The following FOXP2 variants were observed in gnomAD, a reference collection of about 807,000 sequenced individuals.
FOXP2 encodes forkhead box protein P2.
In FOXP2, 12 loss-of-function variants were observed where a neutral mutation model predicts 115.8. The observed-to-expected ratio is 0.10, with a 90% confidence interval of 0.07 to 0.17. The LOEUF is 0.17. Ranked by LOEUF, FOXP2 falls within the 10% of genes least tolerant of loss-of-function variation. The pLI is 1.00. For missense variants in FOXP2, 629 were observed against 843.5 expected (o/e 0.75, Z 3.15); for synonymous variants, 328 against 297.7 (o/e 1.10, Z -1.05).
chr7:114,373,097 A>G (rs964061997), intron 2 of FOXP2, among the ~76,000 whole-genome samples: 38 of 151,866 alleles, frequency 2.5e-4, no homozygotes, highest in African/African-American at 9.2e-4. Flanking sequence ...TGTTCACGCC[A>G]TTCTCCTGCC....
At chr7:114,201,104 C>A (rs1052179293) in intron 1 of FOXP2, among the ~76,000 whole-genome samples, 2 of 151,930 alleles carry the variant, frequency 1.3e-5, no homozygotes, top group East Asian at 3.9e-4. Context: ...TGCAGTGAGC[C>A]AAGATCGTGC....
At chr7:114,294,848 A>ATAAG in intron 2 of FOXP2, among the ~76,000 whole-genome samples, 1 of 139,982 alleles carries the variant, frequency 7.1e-6, no homozygotes, top group Middle Eastern at 3.6e-3. Context: ...CTCAAAATAA[A>ATAAG]TAAATAAATA....
chr7:114,246,085 A>T (rs545970966), intron 1 of FOXP2, among the ~76,000 whole-genome samples: 2 of 152,158 alleles, frequency 1.3e-5, no homozygotes, highest in Non-Finnish European at 2.9e-5. Flanking sequence ...GTGGAAGCCA[A>T]AGTTTCTTCC....
chr7:114,689,128 A>T (rs561806053), intron 16 of FOXP2, among the ~76,000 whole-genome samples: 1 of 152,258 alleles, frequency 6.6e-6, no homozygotes, highest in East Asian at 1.9e-4. Flanking sequence ...AGTTTCTATA[A>T]TTATATTGCT....
In FOXP2 at chr7:114,313,608, A is replaced by G. The variant is rs1797199296; in HGVS notation, c.-11+25499A>G. On this transcript the variant is annotated intron_variant, in intron 2 of 17. Transcript: ENST00000634411. ...AAAATACAAAAAATTAGCCGGGCGT[A>G]GTGGCGGGCGCCTGTAGTCCCAGCT... 2.0e-5 allele frequency among the ~76,000 whole-genome samples: 2 copies of G among 101,274 alleles called. 1 individual carries two copies. The highest frequency in any genetic ancestry group is 3.6e-5 in the Non-Finnish European group (2 of 54,808). 66.4% of individuals were successfully genotyped at this position (101,274 alleles called of 152,430 possible).
intron 3 of FOXP2, among the ~76,000 whole-genome samples, chr7:114,556,025 C>A (rs759401883): frequency 6.6e-6 from 1 of 152,116 alleles, no homozygotes; most frequent in Non-Finnish European, 1.5e-5. Flanking sequence ...GTTTACTCAG[C>A]AATATATGAG....
chr7:114,341,490 C>CA (rs751482615), intron 2 of FOXP2, among the ~76,000 whole-genome samples: 6 of 151,028 alleles, frequency 4.0e-5, no homozygotes, highest in Admixed American at 1.3e-4. Flanking sequence ...TAAAAACAAA[C>CA]AAAAAATCTA....
chr7:114,169,047 C>A (rs551161425), intron 1 of FOXP2, among the ~76,000 whole-genome samples: 1 of 152,318 alleles, frequency 6.6e-6, no homozygotes, highest in Admixed American at 6.5e-5. Flanking sequence ...GAAATACCTG[C>A]AAAGGCAGAG....
At chr7:114,150,787 TG>T (rs1328492545) in intron 1 of FOXP2, among the ~76,000 whole-genome samples, 2 of 152,028 alleles carry the variant, frequency 1.3e-5, no homozygotes, top group Non-Finnish European at 2.9e-5. Context: ...TTTCTCTCTT[TG>T]GCTGAACTAT....
chr7:114,367,163 T>C (rs1420670125), intron 2 of FOXP2, among the ~76,000 whole-genome samples: 4 of 152,108 alleles, frequency 2.6e-5, no homozygotes, highest in African/African-American at 4.8e-5. Context: ...AAAAAGCTCA[T>C]AGGAGCTTTT....
intron 1 of FOXP2, among the ~76,000 whole-genome samples, chr7:114,156,283 G>GGT (rs142795916): frequency 2.6e-3 from 399 of 151,998 alleles, no homozygotes; most frequent in African/African-American, 9.1e-3. Context: ...TGACATTTTT[G>GGT]GTGTGTGTGT....
At chr7:114,334,931 C>CTA (rs144511332) in intron 2 of FOXP2, among the ~76,000 whole-genome samples, 11,683 of 119,106 alleles carry the variant, frequency 0.098, 838 homozygotes, top group East Asian at 0.39. Context: ...ATATAGAAAT[C>CTA]TATATATATA....
At chr7:114,284,880 A>G (rs1796427594) in intron 1 of FOXP2, among the ~76,000 whole-genome samples, 1 of 152,332 alleles carries the variant, frequency 6.6e-6, no homozygotes, top group East Asian at 1.9e-4. Context: ...CTTTGCAGGA[A>G]CAGGGATGGA....
At chr7:114,625,360 C>A in intron 3 of FOXP2, among the ~76,000 whole-genome samples, 1 of 151,674 alleles carries the variant, frequency 6.6e-6, no homozygotes, top group Non-Finnish European at 1.5e-5. Context: ...ATTGTGATCC[C>A]TTATTAGAAT....
intron 1 of FOXP2, among the ~76,000 whole-genome samples, chr7:114,183,918 T>C (rs1384964510): frequency 6.6e-6 from 1 of 152,194 alleles, no homozygotes; most frequent in African/African-American, 2.4e-5. Flanking sequence ...CCTGTCATAA[T>C]CAGTTGCCAG....
chr7:114,693,527 G>T lies in FOXP2; in HGVS notation c.*3601G>T, dbSNP rs762586918. ...GCTTTATTAAGTCTATAAAGCTATT[G>T]AAAGGAACATGGCTTACCCTTGTTA... On this transcript the variant is annotated 3_prime_UTR_variant, in exon 17 of 17. Coordinates refer to ENST00000350908, the MANE Select transcript of FOXP2 (RefSeq NM_014491.4). 8.8e-6 allele frequency: 4 copies of T among 452,964 alleles called. No individual in the cohort carries two copies. The highest frequency in any genetic ancestry group is 4.7e-5 in the South Asian group (3 of 64,254). The allele number at this position is 452,964 out of a possible 1,614,324, so 28.1% of individuals were successfully genotyped here.
intron 3 of FOXP2, among the ~76,000 whole-genome samples, chr7:114,564,355 A>G (rs1322797633): frequency 6.6e-6 from 1 of 152,078 alleles, no homozygotes; most frequent in African/African-American, 2.4e-5. Flanking sequence ...GTCTTCAGCA[A>G]TGCATTTCTC....
chr7:114,262,436 C>T (rs1795779165), intron 1 of FOXP2, among the ~76,000 whole-genome samples: 1 of 152,036 alleles, frequency 6.6e-6, no homozygotes, highest in Non-Finnish European at 1.5e-5. Context: ...ATGCTTAGTA[C>T]TTGGGTGATG....
intron 1 of FOXP2, among the ~76,000 whole-genome samples, chr7:114,089,468 A>G (rs1233199360): frequency 1.3e-5 from 2 of 152,068 alleles, no homozygotes; most frequent in African/African-American, 4.8e-5. Flanking sequence ...TTAATTATGA[A>G]CTATTTATAA....
Sources: gnomAD v4.1 joint callset for allele counts (sites outside exome capture counted in the v4.1 genomes callset) on GRCh38, gnomAD v4.1.1 for gene constraint, MANE v1.5 for transcripts, NCBI Gene and HGNC (gene_info 2026-07-23, HGNC 2026-07-21) for gene names.